Variants in SASH1 observed in about 807,000 individuals in gnomAD.
SASH1 encodes SAM and SH3 domain containing 1, also known as SAM and SH3 domain-containing protein 1.
Under a neutral mutation model 125.2 loss-of-function variants are expected in SASH1, and 44 were observed. The ratio of observed to expected loss-of-function variants is 0.35; its 90% confidence interval spans 0.28 to 0.45. The LOEUF (loss-of-function observed/expected upper bound fraction) is 0.45, where lower values mean the gene tolerates loss of function less well. SASH1 is among the 20% of genes least tolerant of loss of function. SASH1 has a pLI of 1.00. For synonymous variants in SASH1, 639 were observed against 649.1 expected (o/e 0.98, Z 0.24); for missense variants, 1,426 against 1,614.5 (o/e 0.88, Z 2.00).
chr6:148,224,971 G>C, the SASH1 span, among the ~76,000 whole-genome samples: 1 of 152,200 alleles, frequency 6.6e-6, no homozygotes, highest in East Asian at 1.9e-4. Context: ...CTTGCAGACA[G>C]ATGTGGGAGA....
At chr6:148,360,642 CCG>C (rs796750311) in intron 1 of SASH1, among the ~76,000 whole-genome samples, 9 of 128,884 alleles carry the variant, frequency 7.0e-5, no homozygotes, top group African/African-American at 1.4e-4. Context: ...AGCCACCCCC[CCG>C]CCAGGCTTTA....
In SASH1 at chr6:148,532,945, C is replaced by T. The variant is rs1224528139; in HGVS notation, c.1713C>T (p.Asp571=). 1.2e-6 allele frequency: 2 copies of T among 1,614,132 alleles called. No homozygotes were observed. The highest frequency in any genetic ancestry group is 1.7e-6 in the Non-Finnish European group (2 of 1,180,006). ...VHTDFTPSPY[D]TDSLKLKKGD... ...CCGACTTCACCCCCAGTCCCTATGA[C>T]ACAGACTCACTCAAGCTCAAGGTAT... The change falls in exon 14 of 20, where the codon GAC becomes GAT. Residue 571 remains aspartate, a synonymous_variant. Transcript: ENST00000367467. The surrounding 1 kb of genome is among the most constrained non-coding windows in gnomAD (Gnocchi z 4.7).
intron 1 of SASH1, among the ~76,000 whole-genome samples, chr6:148,366,396 G>A (rs1782459027): frequency 1.3e-5 from 2 of 152,098 alleles, no homozygotes; most frequent in Non-Finnish European, 2.9e-5. Flanking sequence ...AGAAAATATT[G>A]GATACTTGGA....
At chr6:148,310,005 T>C (rs1374509201) in intron 1 of SASH1, among the ~76,000 whole-genome samples, 1 of 152,082 alleles carries the variant, frequency 6.6e-6, no homozygotes, top group African/African-American at 2.4e-5. Flanking sequence ...TAAACAAGCA[T>C]AGTACAGGAA....
chr6:148,440,329 A>G, intron 3 of SASH1, 29 bp from the exon 4 acceptor site: 1 of 1,612,930 alleles, frequency 6.2e-7, no homozygotes. Context: ...TGCTCTGACC[A>G]CACTGACTAT....
intron 1 of SASH1, among the ~76,000 whole-genome samples, chr6:148,381,354 T>C (rs1783123555): frequency 6.6e-6 from 1 of 152,188 alleles, no homozygotes; most frequent in South Asian, 2.1e-4. Flanking sequence ...CTGGGCCTGT[T>C]GGAAGTAGAG....
intron 4 of SASH1, among the ~76,000 whole-genome samples, chr6:148,450,024 C>T (rs1237857396): frequency 1.3e-5 from 2 of 152,188 alleles, no homozygotes; most frequent in African/African-American, 4.8e-5. Flanking sequence ...CTAGGCCCCA[C>T]CTCCCAACAT....
chr6:148,477,526 C>A (rs1227912761), intron 7 of SASH1, among the ~76,000 whole-genome samples: 3 of 144,874 alleles, frequency 2.1e-5, no homozygotes, highest in African/African-American at 5.3e-5. Flanking sequence ...CATCTCACCC[C>A]AATTAAAATG....
At chr6:148,395,273 C>CA (rs1173298640) in intron 2 of SASH1, among the ~76,000 whole-genome samples, 1 of 152,012 alleles carries the variant, frequency 6.6e-6, no homozygotes, top group Non-Finnish European at 1.5e-5. Context: ...TTTAAAAAGT[C>CA]AAAAAATGCA....
rs1780696944 is a variant in SASH1 at position 148,323,105 on chromosome 6, G to GT, written n.74+50731dup. ...GCTCACTGCAACCTCTGCCTCCCGG[G>GT]TTTAAGTGATTCTCCTGCCCTAGCC... On this transcript the variant is annotated intron_variant and non_coding_transcript_variant, in intron 1 of 3. Transcript: ENST00000367469. Among the ~76,000 whole-genome samples the GT allele has an allele frequency of 1.3e-5, 2 of 151,724 alleles. 1 individual carries two copies. Among genetic ancestry groups the GT allele is most frequent in the Admixed American group, 1.3e-4 (2 of 15,212 alleles).
intron 1 of SASH1, among the ~76,000 whole-genome samples, chr6:148,294,265 C>G (rs750183551): frequency 8.7e-4 from 133 of 152,334 alleles, no homozygotes; most frequent in Non-Finnish European, 1.7e-3. Context: ...GGCTACACAG[C>G]CAAGAAACTG....
At position 148,519,933 on chromosome 6, in the gene SASH1, C is replaced by G. The variant is rs1223316969; in HGVS notation, c.1209+40C>G. On this transcript the variant is annotated intron_variant, in intron 10 of 19. Coordinates refer to ENST00000367467, the MANE Select transcript of SASH1 (RefSeq NM_015278.5). The surrounding 1 kb of genome is among the most constrained non-coding windows in gnomAD (Gnocchi z 4.8). ...TGTTTGCTTCTATGACAACCACCGTCGCAGGCACCACCTTCTGGTGTCCCT... is the reference window on the plus strand; with the variant it reads ...TGTTTGCTTCTATGACAACCACCGTGGCAGGCACCACCTTCTGGTGTCCCT... 1 of 1,395,948 alleles carries G rather than the reference C, an allele frequency of 7.2e-7. No homozygotes were observed. 86.5% of individuals were successfully genotyped at this position (1,395,948 alleles called of 1,614,324 possible).
At chr6:148,433,411 T>C (rs942145992) in intron 2 of SASH1, among the ~76,000 whole-genome samples, 3 of 141,244 alleles carry the variant, frequency 2.1e-5, no homozygotes, top group Admixed American at 6.8e-5. Flanking sequence ...TTTTTCTTTT[T>C]TTTTTTTTTT....
At chr6:148,353,435 ATTTTTTTTTTT>A (rs377513066) in intron 1 of SASH1, among the ~76,000 whole-genome samples, 1 of 108,800 alleles carries the variant, frequency 9.2e-6, no homozygotes, top group Admixed American at 1.1e-4. Context: ...TTTAAGATTG[ATTTTTTTTTTT>A]TTTTTTTTTG....
chr6:148,414,606 G>T (rs1468195070), intron 2 of SASH1, among the ~76,000 whole-genome samples: 1 of 152,168 alleles, frequency 6.6e-6, no homozygotes, highest in East Asian at 1.9e-4. Context: ...CTAGGTCCTG[G>T]AGCTGCAGCA....
chr6:148,437,328 T>C (rs1776332234), intron 2 of SASH1, among the ~76,000 whole-genome samples: 1 of 152,216 alleles, frequency 6.6e-6, no homozygotes, highest in Admixed American at 6.5e-5. Flanking sequence ...ATCTAAATGA[T>C]GACTGTAATC....
intron 4 of SASH1, among the ~76,000 whole-genome samples, chr6:148,456,133 C>T (rs1278602613): frequency 6.6e-6 from 1 of 152,160 alleles, no homozygotes; most frequent in Non-Finnish European, 1.5e-5. Context: ...GCCATGGAAA[C>T]GCAAGGAGGA....
At chr6:148,219,669 A>G in the SASH1 span, among the ~76,000 whole-genome samples, 1 of 152,132 alleles carries the variant, frequency 6.6e-6, no homozygotes, top group Non-Finnish European at 1.5e-5. Context: ...TGGCAGAGCT[A>G]AGGGAACGTA....
At chr6:148,427,886 G>A (rs974830372) in intron 2 of SASH1, among the ~76,000 whole-genome samples, 3 of 152,156 alleles carry the variant, frequency 2.0e-5, no homozygotes, top group Non-Finnish European at 4.4e-5. Context: ...GCTTTCATTC[G>A]GGGATCTCAG....
Sources: gnomAD v4.1 joint callset for allele counts (sites outside exome capture counted in the v4.1 genomes callset) on GRCh38, gnomAD v4.1.1 for gene constraint, Gnocchi (gnomAD v3.1) non-coding constraint, MANE v1.5 for transcripts, NCBI Gene and HGNC (gene_info 2026-07-23, HGNC 2026-07-21) for gene names.